Variants in RCAN2 observed in about 807,000 individuals in gnomAD.
The protein encoded by RCAN2 is regulator of calcineurin 2, also known as calcipressin-2.
In RCAN2, 9 loss-of-function variants were observed where a neutral mutation model predicts 23.6. The ratio of observed to expected loss-of-function variants is 0.38; its 90% CI spans 0.23 to 0.67. The LOEUF is 0.67. RCAN2 is among the 30% of genes least tolerant of loss of function. The pLI is 0.51. For missense variants in RCAN2, 273 were observed against 302.3 expected, an observed-to-expected ratio of 0.90 and a Z score of 0.72; for synonymous variants, 109 against 115.7, an observed-to-expected ratio of 0.94 and a Z score of 0.37.
At chr6:46,225,603 A>G (rs796317209) in intron 4 of RCAN2, among the ~76,000 whole-genome samples, 8 of 152,312 alleles carry the variant, frequency 5.3e-5, no homozygotes, top group African/African-American at 1.9e-4. Flanking sequence ...GTCTGTTCAT[A>G]TAATTTTCCC....
rs77406083 is a variant in RCAN2, at chr6:46,340,601, C to G, written c.226-91705G>C. Among the ~76,000 whole-genome samples the G allele has an allele frequency of 1.6e-3, 242 of 152,304 alleles. 1 individual carries two copies. The highest frequency in any genetic ancestry group is 5.5e-3 in the African/African-American group (229 of 41,574). On this transcript the variant is annotated intron_variant, in intron 2 of 4. Transcript: ENST00000371374. ...TATCATTCTAGATCTTTGAAGGACT[C>G]CATGGAGCACACTCCTATTTCCTTC...
intron 2 of RCAN2, among the ~76,000 whole-genome samples, chr6:46,285,755 T>C (rs1375283249): frequency 1.3e-5 from 2 of 152,258 alleles, no homozygotes; most frequent in Non-Finnish European, 2.9e-5. Context: ...CTAATGTTAC[T>C]GGAATCTTTT....
intron 2 of RCAN2, among the ~76,000 whole-genome samples, chr6:46,380,298 A>AC (rs1408945303): frequency 1.3e-5 from 2 of 152,214 alleles, no homozygotes; most frequent in Non-Finnish European, 2.9e-5. Context: ...AAATAGTCTC[A>AC]CCTCAGTTCA....
chr6:46,282,328 G>A (rs1317375231), intron 2 of RCAN2, among the ~76,000 whole-genome samples: 2 of 149,676 alleles, frequency 1.3e-5, no homozygotes, highest in African/African-American at 2.5e-5. Context: ...GGCAGATCAC[G>A]AGATCGGGAG....
intron 2 of RCAN2, among the ~76,000 whole-genome samples, chr6:46,288,398 C>T (rs1045307603): frequency 2.2e-4 from 33 of 152,212 alleles, no homozygotes; most frequent in African/African-American, 8.0e-4. Context: ...GGAATACTGG[C>T]TTTAACTCTG....
At chr6:46,462,418 C>G (rs1036548816) in intron 1 of RCAN2, among the ~76,000 whole-genome samples, 2 of 152,112 alleles carry the variant, frequency 1.3e-5, no homozygotes, top group South Asian at 2.1e-4. Context: ...GGGTTTGCGA[C>G]CATTTCATTT....
intron 2 of RCAN2, among the ~76,000 whole-genome samples, chr6:46,412,729 G>A (rs1045362439): frequency 6.6e-6 from 1 of 152,162 alleles, no homozygotes; most frequent in Non-Finnish European, 1.5e-5. Context: ...CGAAGGTTGT[G>A]ATTGCTTTGA....
intron 2 of RCAN2, among the ~76,000 whole-genome samples, chr6:46,396,411 G>A (rs1766088358): frequency 6.6e-6 from 1 of 152,180 alleles, no homozygotes; most frequent in Non-Finnish European, 1.5e-5. Context: ...TGGAGGTGAG[G>A]GCTAGAGGAA....
chr6:46,263,513 A>ATGTGTGTGTGTGTG (rs1267211253), intron 2 of RCAN2, among the ~76,000 whole-genome samples: 2 of 56,378 alleles, frequency 3.5e-5, no homozygotes, highest in East Asian at 4.9e-4. Context: ...ATGTGTGTGT[A>ATGTGTGTGTGTGTG]TGTGTGTATG....
intron 2 of RCAN2, among the ~76,000 whole-genome samples, chr6:46,321,202 C>T (rs1561857957): frequency 6.6e-6 from 1 of 152,216 alleles, no homozygotes; most frequent in Admixed American, 6.5e-5. Flanking sequence ...GGCCATTCCT[C>T]CCCCATCAAT....
At chr6:46,468,144 T>A (rs1768446915) in intron 1 of RCAN2, among the ~76,000 whole-genome samples, 1 of 152,248 alleles carries the variant, frequency 6.6e-6, no homozygotes, top group Non-Finnish European at 1.5e-5. Context: ...GCATTTGCTA[T>A]AATTGCTTAA....
chr6:46,242,455 C>G (rs772612261), intron 4 of RCAN2, among the ~76,000 whole-genome samples: 5 of 152,198 alleles, frequency 3.3e-5, no homozygotes, highest in Non-Finnish European at 7.3e-5. Context: ...CCATAACGTT[C>G]TTTCTTTAGA....
At chr6:46,274,051 C>A (rs1767608524) in intron 2 of RCAN2, among the ~76,000 whole-genome samples, 1 of 152,134 alleles carries the variant, frequency 6.6e-6, no homozygotes, top group South Asian at 2.1e-4. Flanking sequence ...ACACAGCAAG[C>A]AAAATTTGGA....
At chr6:46,437,783 G>A (rs965844813) in intron 2 of RCAN2, among the ~76,000 whole-genome samples, 40 of 152,028 alleles carry the variant, frequency 2.6e-4, no homozygotes, top group African/African-American at 8.5e-4. Context: ...CAGACACAGG[G>A]GCTATTCTTA....
At position 46,246,732 on chromosome 6, in the gene RCAN2, G is replaced by A; in HGVS notation, c.571+16C>T. Reference sequence around the variant, plus strand: ...GCTGACAAACGTTTATTTTTAAAATGGACCGCAAAGCTTACCTGGTCCTAG... The same window carrying A: ...GCTGACAAACGTTTATTTTTAAAATAGACCGCAAAGCTTACCTGGTCCTAG... On this transcript the variant is annotated intron_variant, in intron 4 of 4. Coordinates refer to ENST00000371374, the MANE Select transcript of RCAN2 (RefSeq NM_001251974.2). The A allele has an allele frequency of 6.2e-7, 1 of 1,607,190 alleles. No individual in the cohort carries two copies. Among genetic ancestry groups the A allele is most frequent in the Middle Eastern group, 1.7e-4 (1 of 5,776 alleles).
intron 1 of RCAN2, among the ~76,000 whole-genome samples, chr6:46,466,746 C>T (rs1768398350): frequency 6.6e-6 from 1 of 152,170 alleles, no homozygotes; most frequent in Non-Finnish European, 1.5e-5. Flanking sequence ...TATCAACTGC[C>T]TCATCAACGC....
At chr6:46,407,822 C>T (rs1373810256) in intron 2 of RCAN2, among the ~76,000 whole-genome samples, 4 of 152,150 alleles carry the variant, frequency 2.6e-5, no homozygotes, top group Non-Finnish European at 5.9e-5. Flanking sequence ...ATGCAGCAGA[C>T]CTTTAGAAGC....
intron 2 of RCAN2, among the ~76,000 whole-genome samples, chr6:46,330,683 A>G (rs1763938784): frequency 6.6e-6 from 1 of 151,838 alleles, no homozygotes; most frequent in African/African-American, 2.4e-5. Flanking sequence ...TAGTTTGCTT[A>G]TTTAAATTGG....
intron 1 of RCAN2, among the ~76,000 whole-genome samples, chr6:46,490,750 CT>C (rs1287872168): frequency 6.8e-6 from 1 of 147,708 alleles, no homozygotes; most frequent in Non-Finnish European, 1.5e-5. Flanking sequence ...ATCTTCTTTG[CT>C]CTCTGCATCC....
Sources: allele counts gnomAD v4.1 joint callset (sites outside exome capture counted in the v4.1 genomes callset), GRCh38; gene constraint gnomAD v4.1.1; transcripts MANE v1.5; gene names NCBI Gene and HGNC (gene_info 2026-07-23, HGNC 2026-07-21).